LRRC1: variants seen among roughly 807,000 people sequenced by gnomAD.
The protein encoded by LRRC1 is leucine rich repeat containing 1, also known as leucine-rich repeat-containing protein 1.
In LRRC1, 28 loss-of-function variants were observed where a neutral mutation model predicts 69.9. That is an observed-to-expected ratio of 0.40 (90% CI 0.30 to 0.55). LRRC1 has a LOEUF of 0.55. LRRC1 is among the 20% of genes least tolerant of loss of function. LRRC1 has a pLI of 0.47. For missense variants in LRRC1, 498 were observed against 609.0 expected (o/e 0.82, Z 1.92); for synonymous variants, 236 against 240.2 (o/e 0.98, Z 0.16).
intron 4 of LRRC1, among the ~76,000 whole-genome samples, chr6:53,885,092 G>A (rs1293615627): frequency 6.6e-6 from 1 of 152,224 alleles, no homozygotes; most frequent in African/African-American, 2.4e-5. Context: ...GCAAGAAACT[G>A]TGATTTCTTC....
chr6:53,800,241 CTTTTTCTTTTTTTTTTTT>C (rs1764433494), intron 1 of LRRC1, among the ~76,000 whole-genome samples: 2 of 129,318 alleles, frequency 1.5e-5, no homozygotes, highest in African/African-American at 5.8e-5. Flanking sequence ...AATAATGTTT[CTTTTTCTTTTTTTTTTTT>C]TTTTTTTTTT....
intron 2 of LRRC1, among the ~76,000 whole-genome samples, chr6:53,845,336 A>G (rs2127417386): frequency 6.6e-6 from 1 of 152,268 alleles, no homozygotes; most frequent in Non-Finnish European, 1.5e-5. Flanking sequence ...GCTTCCACTC[A>G]TTTTTTGGAC....
chr6:53,863,712 C>T (rs763163112), intron 2 of LRRC1, among the ~76,000 whole-genome samples: 5 of 152,156 alleles, frequency 3.3e-5, no homozygotes, highest in African/African-American at 9.7e-5. Context: ...GTATACTCTA[C>T]CCCATGTTCT....
At chr6:53,917,192 T>A (rs954994124) in intron 11 of LRRC1, among the ~76,000 whole-genome samples, 1 of 152,164 alleles carries the variant, frequency 6.6e-6, no homozygotes, top group Non-Finnish European at 1.5e-5. Flanking sequence ...TGTCTTTTTT[T>A]CCCCAGGCTG....
At chr6:53,913,009 C>T (rs1768460378) in intron 10 of LRRC1, among the ~76,000 whole-genome samples, 1 of 152,182 alleles carries the variant, frequency 6.6e-6, no homozygotes, top group South Asian at 2.1e-4. Flanking sequence ...GTAAAAACCA[C>T]CGCCAATTTG....
intron 11 of LRRC1, among the ~76,000 whole-genome samples, chr6:53,915,366 A>G (rs1768529833): frequency 6.6e-6 from 1 of 152,228 alleles, no homozygotes; most frequent in African/African-American, 2.4e-5. Flanking sequence ...TAATGCTTTC[A>G]GGACATCTTG....
rs148297241 is a variant in LRRC1 at position 53,856,174 on chromosome 6, G to T, written c.277+13947G>T. 2.1e-3 allele frequency among the ~76,000 whole-genome samples: 326 copies of T among 152,372 alleles called. 2 individuals are homozygous for T. The highest frequency in any genetic ancestry group is 7.5e-3 in the African/African-American group (312 of 41,588). The stretch of plus-strand genomic sequence containing the variant: ...AGCAATAGTGAAAGTCTTGGCAACA[G>T]TGTATGCTTCATTGTGATAAGGGAC... On this transcript the variant is annotated intron_variant, in intron 2 of 13. Coordinates refer to ENST00000370888, the MANE Select transcript of LRRC1 (RefSeq NM_018214.5).
chr6:53,823,925 TA>T (rs1765185918), intron 1 of LRRC1, among the ~76,000 whole-genome samples: 1 of 152,240 alleles, frequency 6.6e-6, no homozygotes, highest in Non-Finnish European at 1.5e-5. Context: ...ATGTCTTTGC[TA>T]TTGTGAGTGG....
chr6:53,816,038 C>T (rs1764941645), intron 1 of LRRC1, among the ~76,000 whole-genome samples: 1 of 152,142 alleles, frequency 6.6e-6, no homozygotes, highest in Non-Finnish European at 1.5e-5. Context: ...TCTTTTCTTG[C>T]TAATCACTTA....
At chr6:53,799,214 CT>C (rs1764395213) in intron 1 of LRRC1, among the ~76,000 whole-genome samples, 1 of 152,242 alleles carries the variant, frequency 6.6e-6, no homozygotes, top group African/African-American at 2.4e-5. Flanking sequence ...TGCCTGCCCC[CT>C]ACATCATTCT....
chr6:53,869,669 G>A (rs1766818689), intron 2 of LRRC1, among the ~76,000 whole-genome samples: 1 of 152,186 alleles, frequency 6.6e-6, no homozygotes, highest in South Asian at 2.1e-4. Flanking sequence ...TGGAGAAACT[G>A]CAAGTGACAA....
intron 2 of LRRC1, among the ~76,000 whole-genome samples, chr6:53,864,603 T>C (rs1022717871): frequency 6.6e-6 from 1 of 152,274 alleles, no homozygotes; most frequent in East Asian, 1.9e-4. Context: ...TCTGCATCTG[T>C]TAATGGGACT....
intron 4 of LRRC1, 26 bp from the exon 5 acceptor site, chr6:53,896,472 T>G: frequency 6.3e-7 from 1 of 1,591,974 alleles, no homozygotes; most frequent in Non-Finnish European, 8.6e-7. Flanking sequence ...TCTCTTATGC[T>G]TTTTTTTCCT....
At chr6:53,840,884 TTGTGTG>T (rs57491487) in intron 1 of LRRC1, among the ~76,000 whole-genome samples, 7,160 of 125,224 alleles carry the variant, frequency 0.057, 315 homozygotes, top group East Asian at 0.23. Context: ...GGGTATGTGT[TTGTGTG>T]TGTGTGTGTG....
chr6:53,878,538 C>T (rs1248716686), intron 2 of LRRC1, among the ~76,000 whole-genome samples: 2 of 152,280 alleles, frequency 1.3e-5, no homozygotes, highest in Non-Finnish European at 2.9e-5. Context: ...CAATAGGGCT[C>T]ATGCTCTTAT....
chr6:53,799,806 CAGCTATTCTTTCCATCTCA>C (rs1167897625), intron 1 of LRRC1, among the ~76,000 whole-genome samples: 7 of 152,314 alleles, frequency 4.6e-5, no homozygotes, highest in African/African-American at 1.7e-4. Context: ...GGGGGCAGGG[CAGCTATTCTTTCCATCTCA>C]AAGGTCCAAG....
chr6:53,859,856 A>T (rs972731889), intron 2 of LRRC1, among the ~76,000 whole-genome samples: 3 of 152,268 alleles, frequency 2.0e-5, no homozygotes, highest in African/African-American at 7.2e-5. Context: ...TTATAATCTT[A>T]GAGCGAGGGA....
intron 1 of LRRC1, among the ~76,000 whole-genome samples, chr6:53,811,106 G>A (rs971687912): frequency 6.6e-6 from 1 of 152,154 alleles, no homozygotes; most frequent in Non-Finnish European, 1.5e-5. Flanking sequence ...AATATATTTT[G>A]TATGGAGTAG....
intron 2 of LRRC1, among the ~76,000 whole-genome samples, chr6:53,865,798 T>G (rs771380442): frequency 6.6e-6 from 1 of 150,792 alleles, no homozygotes; most frequent in Non-Finnish European, 1.5e-5. Flanking sequence ...CTCGGCTCAC[T>G]GCAACCTCTA....
Sources: gnomAD v4.1 joint callset for allele counts (sites outside exome capture counted in the v4.1 genomes callset) on GRCh38, gnomAD v4.1.1 for gene constraint, MANE v1.5 for transcripts, NCBI Gene and HGNC (gene_info 2026-07-23, HGNC 2026-07-21) for gene names.